SNAP47: variants seen among roughly 807,000 people sequenced by gnomAD.
SNAP47 encodes synaptosomal-associated protein 47.
Under a neutral mutation model 31.4 loss-of-function variants are expected in SNAP47, and 20 were observed. The ratio of observed to expected loss-of-function variants is 0.64; its 90% CI spans 0.45 to 0.93. SNAP47 has a LOEUF of 0.93. SNAP47 is among the 40% of genes least tolerant of loss of function. SNAP47 has a pLI of 0.00. For missense variants in SNAP47, 492 were observed against 528.5 expected (o/e 0.93, Z 0.68); for synonymous variants, 194 against 213.4 (o/e 0.91, Z 0.79).
chr1:227,762,506 C>T lies in SNAP47; in HGVS notation c.988+3021C>T, dbSNP rs543981903. Among the ~76,000 whole-genome samples, 1 of 152,338 alleles carries T rather than the reference C, an allele frequency of 6.6e-6. No homozygotes were observed. The highest frequency in any genetic ancestry group is 1.9e-4 in the East Asian group (1 of 5,178). On this transcript the variant is annotated intron_variant, in intron 3 of 4. Coordinates refer to ENST00000617596, the MANE Select transcript of SNAP47 (RefSeq NM_053052.4). This position sits in a 1 kb window ranked among gnomAD's most constrained non-coding sequence, Gnocchi z 4.2. ...CCAGCTTCCCTGTGTTTACTGCTCTCAGCTGGAAACTGTGGGCTCCCTGGA... is the reference window on the plus strand; with the variant it reads ...CCAGCTTCCCTGTGTTTACTGCTCTTAGCTGGAAACTGTGGGCTCCCTGGA...
chr1:227,773,369 A>G (rs1663947544), intron 4 of SNAP47, among the ~76,000 whole-genome samples: 1 of 152,238 alleles, frequency 6.6e-6, no homozygotes, highest in African/African-American at 2.4e-5. Context: ...ACGGCTATAT[A>G]GTGTTTGTGT....
intron 3 of SNAP47, among the ~76,000 whole-genome samples, chr1:227,761,408 C>T (rs1011664277): frequency 6.6e-6 from 1 of 152,166 alleles, no homozygotes; most frequent in Admixed American, 6.5e-5. Context: ...AAACCTACCA[C>T]CTTTCTGTAT....
chr1:227,738,287 G>A (rs1439090669), intron 1 of SNAP47, among the ~76,000 whole-genome samples: 4 of 152,204 alleles, frequency 2.6e-5, no homozygotes, highest in Non-Finnish European at 4.4e-5. Context: ...TGATCTGCCC[G>A]ACTCGGCCTC....
upstream of SNAP47, chr1:227,735,101 G>C (rs552801369): frequency 4.4e-6 from 7 of 1,574,680 alleles, no homozygotes; most frequent in Non-Finnish European, 6.0e-6. Flanking sequence ...GAAGGCGCTG[G>C]AAAACACGCA....
intron 4 of SNAP47, chr1:227,776,135 C>A: frequency 1.1e-5 from 13 of 1,163,060 alleles, no homozygotes; most frequent in Non-Finnish European, 1.4e-5. Flanking sequence ...GCTCTGACGC[C>A]CTCAGCGGGT....
At chr1:227,732,162 C>G, upstream of SNAP47, 1 of 594,490 alleles carries the variant, frequency 1.7e-6, no homozygotes, top group Non-Finnish European at 3.0e-6. Flanking sequence ...CATCTCCGAG[C>G]TCCCAGCAGG....
chr1:227,751,377 T>G (rs1408568078), intron 2 of SNAP47, among the ~76,000 whole-genome samples: 1 of 152,168 alleles, frequency 6.6e-6, no homozygotes, highest in Non-Finnish European at 1.5e-5. Context: ...CAGCTGATCC[T>G]CAGCACCCCC....
chr1:227,769,907 T>C (rs1663682275), intron 4 of SNAP47, among the ~76,000 whole-genome samples: 1 of 152,192 alleles, frequency 6.6e-6, no homozygotes, highest in African/African-American at 2.4e-5. Flanking sequence ...TGTCTTGTCC[T>C]GCTTTGGGGT....
intron 1 of SNAP47, among the ~76,000 whole-genome samples, chr1:227,742,844 C>T (rs1211253154): frequency 2.0e-5 from 3 of 152,226 alleles, no homozygotes; most frequent in Non-Finnish European, 2.9e-5. Flanking sequence ...TATCCTCCTC[C>T]TAATTCTGAG....
In SNAP47 at chr1:227,780,737, G is replaced by T; in HGVS notation, c.*64G>T. 6.3e-7 allele frequency: 1 copy of T among 1,599,870 alleles called. No individual in the cohort carries two copies. Among genetic ancestry groups the T allele is most frequent in the South Asian group, 1.1e-5 (1 of 89,248 alleles). On this transcript the variant is annotated 3_prime_UTR_variant, in exon 5 of 5. Transcript: ENST00000617596. ...TCCCGCTGAGATGGAGGGCTGGGCG[G>T]CAGTGCCAGGGCTGCAGAGGCCTGT...
chr1:227,774,209 T>G (rs1664019823), intron 4 of SNAP47, among the ~76,000 whole-genome samples: 1 of 152,224 alleles, frequency 6.6e-6, no homozygotes, highest in Non-Finnish European at 1.5e-5. Context: ...GGGTTTATAG[T>G]GCTGTGCAGG....
rs773193381 is a variant in SNAP47, at chr1:227,780,637, C to T, written c.1224C>T (p.Ile408=). Residue 408 remains isoleucine (I), a synonymous_variant, in exon 5 of 5, where the codon ATC becomes ATT. Coordinates refer to ENST00000617596, the MANE Select transcript of SNAP47 (RefSeq NM_053052.4). The stretch of plus-strand genomic sequence containing the variant: ...CTGTGGACAGGGCAACCTTGACCAT[C>T]GACAAGCACAACAGGCGGATGAAGA... ...AAAVDRATLT[I]DKHNRRMKRL... is the part of the protein sequence containing the mutation. 1.2e-6 allele frequency: 2 copies of T among 1,614,190 alleles called. No homozygotes were observed. Among genetic ancestry groups the T allele is most frequent in the Non-Finnish European group, 8.5e-7 (1 of 1,180,030 alleles).
chr1:227,735,229 G>A (rs1335021753), upstream of SNAP47: 23 of 1,597,284 alleles, frequency 1.4e-5, no homozygotes, highest in Non-Finnish European at 2.0e-5. Context: ...CGACCCCCAG[G>A]CCTCGGAAGT....
intron 4 of SNAP47, among the ~76,000 whole-genome samples, chr1:227,769,524 T>G (rs575401073): frequency 6.6e-6 from 1 of 152,210 alleles, no homozygotes. Context: ...GAAACCCCCC[T>G]TCATCCAGCT....
At chr1:227,728,891 G>C (rs1348697721) in intron 1 of SNAP47, 1 of 152,436 alleles carries the variant, frequency 6.6e-6, no homozygotes, top group Non-Finnish European at 1.5e-5. Context: ...GAGCAGGCAC[G>C]CATCTCTGAG....
intron 1 of SNAP47, among the ~76,000 whole-genome samples, chr1:227,744,922 G>T (rs1009943484): frequency 2.0e-5 from 3 of 152,212 alleles, no homozygotes; most frequent in African/African-American, 4.8e-5. Flanking sequence ...GGGCAGGAGG[G>T]AGGGGCTCGC....
rs540732076 is a variant in SNAP47, at chr1:227,751,744, G to GTTTTTTTTTTT, written c.497+3538_497+3548dup. Reference sequence around the variant, plus strand: ...ATGGGGCCAATTACATAAAGACTTGGTTTTTTTTTTTTTTTTTTTTTTTTT... The same window carrying GTTTTTTTTTTT: ...ATGGGGCCAATTACATAAAGACTTGGTTTTTTTTTTTTTTTTTTTTTTTTTTTTTTTTTTTT... On this transcript the variant is annotated intron_variant, in intron 2 of 4. Coordinates refer to ENST00000617596, the MANE Select transcript of SNAP47 (RefSeq NM_053052.4). Among the ~76,000 whole-genome samples, 16 of 69,198 alleles carry GTTTTTTTTTTT rather than the reference G, an allele frequency of 2.3e-4. 3 individuals carry two copies. Among genetic ancestry groups the GTTTTTTTTTTT allele is most frequent in the African/African-American group, 6.7e-4 (12 of 18,000 alleles). The allele number at this position is 69,198 out of a possible 152,430, so 45.4% of individuals were successfully genotyped here.
chr1:227,751,362 A>G (rs1366594611), intron 2 of SNAP47, among the ~76,000 whole-genome samples: 1 of 152,030 alleles, frequency 6.6e-6, no homozygotes, highest in Admixed American at 6.5e-5. Flanking sequence ...GGCCAGGTGC[A>G]CTCTCAGCTG....
intron 4 of SNAP47, among the ~76,000 whole-genome samples, chr1:227,769,807 C>T (rs1663675970): frequency 6.6e-6 from 1 of 152,202 alleles, no homozygotes; most frequent in Non-Finnish European, 1.5e-5. Context: ...TCCACTAGGG[C>T]CCACGCCATG....
Sources: allele counts gnomAD v4.1 joint callset (sites outside exome capture counted in the v4.1 genomes callset), GRCh38; gene constraint gnomAD v4.1.1; non-coding constraint Gnocchi (gnomAD v3.1); transcripts MANE v1.5; gene names NCBI Gene and HGNC (gene_info 2026-07-23, HGNC 2026-07-21).